Variants in TENM4 observed in about 807,000 individuals in gnomAD.
TENM4 encodes the protein teneurin transmembrane protein 4.
Under a neutral mutation model 243.3 loss-of-function variants are expected in TENM4, and 82 were observed. That is an observed-to-expected ratio of 0.34 (90% CI 0.28 to 0.40). TENM4 has a LOEUF of 0.40. Among genes scored for constraint, TENM4 ranks in the 10% least tolerant of loss-of-function variants. TENM4 has a pLI of 1.00. For missense variants in TENM4, 3,138 were observed against 3,673.3 expected, an observed-to-expected ratio of 0.85 and a Z score of 3.77; for synonymous variants, 1,412 against 1,456.3, an observed-to-expected ratio of 0.97 and a Z score of 0.69.
At chr11:78,819,832 G>A (rs1304602069) in intron 12 of TENM4, among the ~76,000 whole-genome samples, 1 of 152,122 alleles carries the variant, frequency 6.6e-6, no homozygotes, top group Non-Finnish European at 1.5e-5. Flanking sequence ...TTATAAAAGT[G>A]GTTGTCAGGA....
At chr11:78,872,105 G>C (rs1859146878) in intron 9 of TENM4, among the ~76,000 whole-genome samples, 1 of 152,046 alleles carries the variant, frequency 6.6e-6, no homozygotes, top group Non-Finnish European at 1.5e-5. Context: ...ATCCAGAATT[G>C]TCTACAATTG....
intron 1 of TENM4, among the ~76,000 whole-genome samples, chr11:79,386,066 A>G (rs1469415673): frequency 6.6e-6 from 1 of 152,254 alleles, no homozygotes; most frequent in Non-Finnish European, 1.5e-5. Flanking sequence ...AGAATCAGAT[A>G]GCCCTGGCCT....
At chr11:79,300,599 A>G (rs1468351395) in intron 1 of TENM4, among the ~76,000 whole-genome samples, 1 of 152,208 alleles carries the variant, frequency 6.6e-6, no homozygotes, top group Non-Finnish European at 1.5e-5. Context: ...TCTCACTCCC[A>G]TAAATATTAG....
intron 7 of TENM4, among the ~76,000 whole-genome samples, chr11:78,897,794 G>A (rs904967608): frequency 2.0e-5 from 3 of 152,220 alleles, no homozygotes; most frequent in Non-Finnish European, 4.4e-5. Context: ...GGCACTGTGT[G>A]TGCCATTCTG....
At chr11:78,837,750 T>A (rs1326606902) in intron 12 of TENM4, among the ~76,000 whole-genome samples, 1 of 152,236 alleles carries the variant, frequency 6.6e-6, no homozygotes, top group Non-Finnish European at 1.5e-5. Context: ...TTTCTTTCTC[T>A]TGGACTGAAA....
chr11:79,333,327 G>C (rs1336642966), intron 1 of TENM4, among the ~76,000 whole-genome samples: 3 of 152,092 alleles, frequency 2.0e-5, no homozygotes, highest in African/African-American at 7.2e-5. Context: ...CTGAAATATA[G>C]ATCCAACTTC....
At chr11:79,268,702 C>T (rs1224132821) in intron 2 of TENM4, among the ~76,000 whole-genome samples, 1 of 152,198 alleles carries the variant, frequency 6.6e-6, no homozygotes, top group African/African-American at 2.4e-5. Context: ...CAACACTCTG[C>T]CTTCTTGTCC....
At chr11:79,436,339 A>G (rs1309579991) in intron 1 of TENM4, among the ~76,000 whole-genome samples, 1 of 152,202 alleles carries the variant, frequency 6.6e-6, no homozygotes, top group Non-Finnish European at 1.5e-5. Context: ...TAAAGTTTAT[A>G]GACTGGATCA....
chr11:79,307,685 T>C (rs964331149), intron 1 of TENM4, among the ~76,000 whole-genome samples: 1 of 152,144 alleles, frequency 6.6e-6, no homozygotes, highest in African/African-American at 2.4e-5. Context: ...ATTCTTTCCT[T>C]TCCTCAAACA....
At chr11:79,348,931 C>T (rs1031212189) in intron 1 of TENM4, among the ~76,000 whole-genome samples, 1 of 152,128 alleles carries the variant, frequency 6.6e-6, no homozygotes, top group Admixed American at 6.5e-5. Flanking sequence ...GGGACTTGCC[C>T]AATAAATGAT....
chr11:79,143,464 G>A (rs570335802), intron 4 of TENM4, among the ~76,000 whole-genome samples: 9 of 152,106 alleles, frequency 5.9e-5, no homozygotes, highest in East Asian at 5.8e-4. Flanking sequence ...CTCATAGGTC[G>A]GAATTTAACA....
intron 14 of TENM4, among the ~76,000 whole-genome samples, chr11:78,806,001 C>G (rs1229432667): frequency 6.6e-6 from 1 of 152,106 alleles, no homozygotes; most frequent in African/African-American, 2.4e-5. Flanking sequence ...TCAAACTTCA[C>G]TTTCCTGGCC....
At chr11:79,155,717 C>T (rs1231825612) in intron 3 of TENM4, among the ~76,000 whole-genome samples, 2 of 145,440 alleles carry the variant, frequency 1.4e-5, no homozygotes, top group East Asian at 4.3e-4. Context: ...CCTTTCCTCC[C>T]TCCCTCCCTC....
chr11:79,349,622 G>A (rs146782522), intron 1 of TENM4, among the ~76,000 whole-genome samples: 1 of 152,214 alleles, frequency 6.6e-6, no homozygotes, highest in East Asian at 1.9e-4. Context: ...GCTCTAGCAG[G>A]CAATAAATGC....
At chr11:78,803,903 A>C (rs1016242250) in intron 15 of TENM4, among the ~76,000 whole-genome samples, 1 of 152,248 alleles carries the variant, frequency 6.6e-6, no homozygotes, top group South Asian at 2.1e-4. Flanking sequence ...TGTGCTTACA[A>C]TCATGCCTTT....
rs754531954 is a variant in TENM4 at position 78,676,379 on chromosome 11, G to T, written c.5269C>A (p.Arg1757=). The T allele has an allele frequency of 6.3e-7, 1 of 1,595,076 alleles. No individual in the cohort carries two copies. Among genetic ancestry groups the T allele is most frequent in the Non-Finnish European group, 8.6e-7 (1 of 1,165,314 alleles). ...AFYTLLQDQV[R]NSYYIGADGS... ...TCGGCCCCGATGTAGTAGCTGTTCC[G>T]GACTTGGTCTGCAGGAGAGGACAAG... Residue 1757 remains arginine (R), a synonymous_variant, in exon 30 of 34, where the codon CGG becomes AGG. Transcript: ENST00000278550.
rs529126279 is a variant in TENM4, at chr11:79,333,597, T to C, written c.-320-36054A>G. 2.0e-5 allele frequency among the ~76,000 whole-genome samples: 3 copies of C among 152,300 alleles called. No individual in the cohort carries two copies. The South Asian group carries it at 6.2e-4, about 32-fold the overall frequency. ...ATGCACATAGTAGTTTCTGGCGGCC[T>C]TCCCACAAGCAACTTTTCAACCAAA... On this transcript the variant is annotated intron_variant, in intron 1 of 33. Transcript: ENST00000278550.
chr11:79,084,209 T>C (rs1860747936), intron 4 of TENM4, among the ~76,000 whole-genome samples: 1 of 152,156 alleles, frequency 6.6e-6, no homozygotes, highest in Non-Finnish European at 1.5e-5. Context: ...TAAAAAATAG[T>C]GACAACATTA....
chr11:79,229,630 C>T (rs1864337697), intron 2 of TENM4, among the ~76,000 whole-genome samples: 1 of 152,154 alleles, frequency 6.6e-6, no homozygotes, highest in Admixed American at 6.5e-5. Flanking sequence ...CCCTGCTTAC[C>T]ACCCTAGCAC....
Sources: gnomAD v4.1 joint callset for allele counts (sites outside exome capture counted in the v4.1 genomes callset) on GRCh38, gnomAD v4.1.1 for gene constraint, MANE v1.5 for transcripts, NCBI Gene and HGNC (gene_info 2026-07-23, HGNC 2026-07-21) for gene names.